Variants in AFF1 observed in about 807,000 individuals in gnomAD.
AFF1 encodes the protein ALF transcription elongation factor 1, also known as AF4/FMR2 family member 1.
Under a neutral mutation model 121.7 loss-of-function variants are expected in AFF1, and 48 were observed. The ratio of observed to expected loss-of-function variants is 0.39; its 90% CI spans 0.31 to 0.50. The LOEUF is 0.50. AFF1 is among the 20% of genes least tolerant of loss of function. The pLI, the probability that AFF1 is intolerant of heterozygous loss-of-function variation, is 0.76. For missense variants in AFF1, 1,523 were observed against 1,511.7 expected (o/e 1.01, Z -0.12); for synonymous variants, 613 against 563.0 (o/e 1.09, Z -1.26).
chr4:87,061,487 C>T (rs1720783646), intron 4 of AFF1, among the ~76,000 whole-genome samples: 1 of 152,202 alleles, frequency 6.6e-6, no homozygotes, highest in Non-Finnish European at 1.5e-5. Flanking sequence ...AACACTGGGG[C>T]GTGGCTGCCC....
chr4:87,022,736 CTGTG>C (rs1435690975), intron 2 of AFF1, among the ~76,000 whole-genome samples: 7 of 146,844 alleles, frequency 4.8e-5, no homozygotes, highest in South Asian at 2.1e-4. Context: ...GTATATATAT[CTGTG>C]TGTGTGTATA....
intron 4 of AFF1, among the ~76,000 whole-genome samples, chr4:87,072,758 T>C (rs1722221726): frequency 6.6e-6 from 1 of 152,194 alleles, no homozygotes; most frequent in African/African-American, 2.4e-5. Context: ...CACAAACTAC[T>C]GACCTCAAGT....
At chr4:87,089,453 C>A (rs1004160355) in intron 5 of AFF1, among the ~76,000 whole-genome samples, 1 of 152,152 alleles carries the variant, frequency 6.6e-6, no homozygotes, top group Non-Finnish European at 1.5e-5. Context: ...TTCTTATTTG[C>A]TAATAGTGTG....
At chr4:86,985,576 T>C (rs1297398930) in intron 2 of AFF1, among the ~76,000 whole-genome samples, 2 of 150,812 alleles carry the variant, frequency 1.3e-5, no homozygotes, top group Non-Finnish European at 2.9e-5. Context: ...CTCGGGAGGC[T>C]GAGGCAGGAG....
At chr4:87,134,078 T>C (rs1053484810) in intron 19 of AFF1, among the ~76,000 whole-genome samples, 3 of 152,238 alleles carry the variant, frequency 2.0e-5, no homozygotes, top group Non-Finnish European at 4.4e-5. Context: ...AGCTGTGATA[T>C]ATCCAGGGTA....
intron 2 of AFF1, among the ~76,000 whole-genome samples, chr4:86,984,875 T>C (rs1724082455): frequency 6.6e-6 from 1 of 152,020 alleles, no homozygotes; most frequent in Non-Finnish European, 1.5e-5. Flanking sequence ...TGAGCTGTGA[T>C]GATGCCACTG....
In AFF1 at chr4:87,126,216, C is replaced by T; in HGVS notation, c.2691C>T (p.Asp897=). 3 of 1,614,114 alleles carry T rather than the reference C, an allele frequency of 1.9e-6. 1 individual carries two copies. The highest frequency in any genetic ancestry group is 2.5e-6 in the Non-Finnish European group (3 of 1,180,028). Residue 897 remains aspartate, a synonymous_variant, in exon 14 of 21, where the codon GAC becomes GAT. Coordinates refer to ENST00000395146, the MANE Select transcript of AFF1 (RefSeq NM_001166693.3). ...TTAAGAGGTCAAGGCGGGAAGCAGA[C>T]ACCTGTGGCCAGGACCCTCCCAAAA... is the stretch of plus-strand genomic sequence containing the variant. The part of the protein sequence containing the change: ...PALKRSRREA[D]TCGQDPPKSA...
intron 2 of AFF1, among the ~76,000 whole-genome samples, chr4:87,016,940 A>G (rs74939203): frequency 0.039 from 5,894 of 152,178 alleles, 194 homozygotes; most frequent in African/African-American, 0.092. Context: ...ACCATGTATC[A>G]GTGGTTCTAT....
At chr4:87,030,294 G>A (rs934033343) in intron 2 of AFF1, among the ~76,000 whole-genome samples, 1 of 152,158 alleles carries the variant, frequency 6.6e-6, no homozygotes, top group African/African-American at 2.4e-5. Context: ...TGGGACCAAA[G>A]CATCCATAAA....
intron 7 of AFF1, among the ~76,000 whole-genome samples, chr4:87,094,430 GGTA>G (rs1724621247): frequency 6.6e-6 from 1 of 152,198 alleles, no homozygotes; most frequent in Admixed American, 6.5e-5. Flanking sequence ...GTATCTATGA[GGTA>G]GTCTATAAAT....
At chr4:86,987,383 A>G (rs149121722) in intron 2 of AFF1, among the ~76,000 whole-genome samples, 1 of 152,244 alleles carries the variant, frequency 6.6e-6, no homozygotes, top group East Asian at 1.9e-4. Flanking sequence ...GTTGCTCTGT[A>G]CCCTCTTCCA....
chr4:87,050,933 A>G (rs556878464), intron 4 of AFF1, among the ~76,000 whole-genome samples: 1 of 152,356 alleles, frequency 6.6e-6, no homozygotes, highest in African/African-American at 2.4e-5. Flanking sequence ...GTGAGTGCTC[A>G]TGCACATGGA....
At chr4:87,001,002 A>G (rs990728587) in intron 2 of AFF1, among the ~76,000 whole-genome samples, 1 of 152,086 alleles carries the variant, frequency 6.6e-6, no homozygotes, top group African/African-American at 2.4e-5. Context: ...TCTAATTTGT[A>G]TATAGTCAGG....
At position 87,131,793 on chromosome 4, in the gene AFF1, A is replaced by G. The variant is rs759754068; in HGVS notation, c.3102A>G (p.Lys1034=). The G allele has an allele frequency of 1.3e-6, 2 of 1,594,246 alleles. No homozygotes were observed. The highest frequency in any genetic ancestry group is 1.7e-6 in the Non-Finnish European group (2 of 1,171,250). ...GATGTACTTTTATATTTTCCTATAG[A>G]TTCATAATGTCATTAAAATCCTTCT... ...SVYSETVDLI[K]FIMSLKSFSD... is the part of the protein sequence containing the mutation. Residue 1034 remains lysine, a splice_region_variant and synonymous_variant, in exon 18 of 21, where the codon AAA becomes AAG. Transcript: ENST00000395146.
chr4:87,028,997 A>T (rs1436753902), intron 2 of AFF1, among the ~76,000 whole-genome samples: 1 of 152,120 alleles, frequency 6.6e-6, no homozygotes, highest in Non-Finnish European at 1.5e-5. Context: ...TTTGGCCACA[A>T]TGAGAGAAAT....
At chr4:87,020,031 G>C (rs1727741717) in intron 2 of AFF1, among the ~76,000 whole-genome samples, 1 of 151,952 alleles carries the variant, frequency 6.6e-6, no homozygotes, top group African/African-American at 2.4e-5. Flanking sequence ...TGAGAGCAGA[G>C]GAAAAACACA....
intron 4 of AFF1, among the ~76,000 whole-genome samples, chr4:87,063,239 T>TTTTTTTTTTTTTTTTG: frequency 8.3e-6 from 1 of 120,734 alleles, no homozygotes; most frequent in Non-Finnish European, 1.7e-5. Context: ...TTTTTTTTTT[T>TTTTTTTTTTTTTTTTG]TTTTTTTTTT....
rs1473858500 is a variant in AFF1 at position 87,139,143 on chromosome 4, TTAAA to T, written c.*3445_*3448del. 1 of 229,844 alleles carries T rather than the reference TTAAA, an allele frequency of 4.4e-6. No individual in the cohort carries two copies. The highest frequency in any genetic ancestry group is 2.2e-5 in the African/African-American group (1 of 45,168). The allele number at this position is 229,844 out of a possible 1,614,324, so 14.2% of individuals were successfully genotyped here. On this transcript the variant is annotated 3_prime_UTR_variant, in exon 21 of 21. Coordinates refer to ENST00000395146, the MANE Select transcript of AFF1 (RefSeq NM_001166693.3). ...TACAAAGGGATATAAATATATACACTTAAATAGAGAAAAAGAGGTTGATTGAATT... is the reference window on the plus strand; with the variant it reads ...TACAAAGGGATATAAATATATACACTTAGAGAAAAAGAGGTTGATTGAATT...
intron 2 of AFF1, among the ~76,000 whole-genome samples, chr4:86,993,237 A>G (rs1007913504): frequency 5.3e-5 from 8 of 152,226 alleles, no homozygotes; most frequent in African/African-American, 1.7e-4. Context: ...ACGACAGGCT[A>G]GGTATCACAG....
Sources: allele counts gnomAD v4.1 joint callset (sites outside exome capture counted in the v4.1 genomes callset), GRCh38; gene constraint gnomAD v4.1.1; transcripts MANE v1.5; gene names NCBI Gene and HGNC (gene_info 2026-07-23, HGNC 2026-07-21).